Variants in SEMA3A observed in about 807,000 individuals in gnomAD.
SEMA3A encodes semaphorin 3A, also known as semaphorin-3A.
Under a neutral mutation model 97.9 loss-of-function variants are expected in SEMA3A, and 29 were observed. That is an observed-to-expected ratio of 0.30 (90% CI 0.22 to 0.40). The LOEUF is 0.40. Among genes scored for constraint, SEMA3A ranks in the 10% least tolerant of loss-of-function variants. The probability of loss-of-function intolerance (pLI) is 1.00; values close to 1 mark genes in which losing one functional copy is unlikely to be tolerated. For missense variants in SEMA3A, 763 were observed against 951.3 expected (o/e 0.80, Z 2.60); for synonymous variants, 321 against 323.7 (o/e 0.99, Z 0.09).
chr7:84,173,260 T>G (rs777925822), intron 1 of SEMA3A, among the ~76,000 whole-genome samples: 1 of 151,980 alleles, frequency 6.6e-6, no homozygotes, highest in Non-Finnish European at 1.5e-5. Flanking sequence ...CTCTGAATTA[T>G]CTTTAAAAGT....
At chr7:84,374,848 T>C (rs1803059122) in intron 1 of SEMA3A, among the ~76,000 whole-genome samples, 1 of 152,138 alleles carries the variant, frequency 6.6e-6, no homozygotes, top group South Asian at 2.1e-4. Context: ...GAGGCTTAAC[T>C]GTGCTTGTGA....
At chr7:84,120,670 A>G (rs1031109696) in intron 3 of SEMA3A, among the ~76,000 whole-genome samples, 1 of 152,218 alleles carries the variant, frequency 6.6e-6, no homozygotes, top group African/African-American at 2.4e-5. Flanking sequence ...TGAAAATCAT[A>G]TTTAAAATGG....
intron 1 of SEMA3A, among the ~76,000 whole-genome samples, chr7:84,477,682 G>A (rs1806331676): frequency 6.6e-6 from 1 of 152,026 alleles, no homozygotes. Context: ...CTATAGAGGT[G>A]TTGGGGTGTG....
At chr7:84,249,610 C>T (rs932093553) in intron 3 of SEMA3A, among the ~76,000 whole-genome samples, 12 of 151,830 alleles carry the variant, frequency 7.9e-5, no homozygotes, top group Admixed American at 7.2e-4. Flanking sequence ...GGAATGCCAC[C>T]TGTTTTTAAA....
intron 12 of SEMA3A, among the ~76,000 whole-genome samples, chr7:83,988,383 C>G (rs1406847294): frequency 6.6e-6 from 1 of 151,984 alleles, no homozygotes; most frequent in Non-Finnish European, 1.5e-5. Context: ...CCCACCACCA[C>G]GACTGGCTAA....
intron 4 of SEMA3A, among the ~76,000 whole-genome samples, chr7:84,102,431 A>G (rs746922660): frequency 2.6e-5 from 4 of 152,128 alleles, no homozygotes; most frequent in South Asian, 2.1e-4. Context: ...ATGAGACATT[A>G]ATCCAGTAAG....
intron 5 of SEMA3A, among the ~76,000 whole-genome samples, chr7:84,053,078 T>C (rs1012460082): frequency 6.2e-5 from 9 of 145,850 alleles, no homozygotes; most frequent in South Asian, 4.6e-4. Flanking sequence ...GTCTGAGAGA[T>C]AGTTTGTTAT....
Position 84,157,106 on chromosome 7 carries a change from T to C in SEMA3A, c.113-22155A>G, listed in dbSNP as rs567513845. ...TGCAATTTTCACATTATCTGGAATA[T>C]ATGCACGAGTAAAAATGCACTCTTT... On this transcript the variant is annotated intron_variant, in intron 1 of 16. Coordinates refer to ENST00000265362, the MANE Select transcript of SEMA3A (RefSeq NM_006080.3). Among the ~76,000 whole-genome samples, 8 of 152,298 alleles carry C rather than the reference T, an allele frequency of 5.3e-5. No individual in the cohort carries two copies. The South Asian group carries it at 1.7e-3, about 32-fold the overall frequency.
At chr7:84,372,801 G>A (rs2116107730) in intron 1 of SEMA3A, among the ~76,000 whole-genome samples, 1 of 152,138 alleles carries the variant, frequency 6.6e-6, no homozygotes, top group Non-Finnish European at 1.5e-5. Flanking sequence ...AGTTGCTTTG[G>A]TGCTAGCTTG....
intron 2 of SEMA3A, among the ~76,000 whole-genome samples, chr7:84,345,414 T>C (rs1002094749): frequency 2.6e-5 from 4 of 152,160 alleles, no homozygotes; most frequent in East Asian, 1.9e-4. Flanking sequence ...TTTGCCACAC[T>C]GATTGGCTCT....
intron 4 of SEMA3A, among the ~76,000 whole-genome samples, chr7:84,089,484 T>C (rs1466410597): frequency 5.4e-5 from 8 of 149,460 alleles, no homozygotes; most frequent in Admixed American, 4.8e-4. Context: ...AAATTATTGA[T>C]TTTAATGTAA....
intron 1 of SEMA3A, among the ~76,000 whole-genome samples, chr7:84,152,623 C>T (rs995375040): frequency 6.8e-6 from 1 of 147,088 alleles, no homozygotes; most frequent in African/African-American, 2.5e-5. Context: ...AGCACACCAG[C>T]ATGGCACATG....
At position 84,005,563 on chromosome 7, in the gene SEMA3A, TAAGATA is replaced by T. The variant is rs1263268300; in HGVS notation, c.1141-11_1141-6del. 5 of 1,572,174 alleles carry T rather than the reference TAAGATA, an allele frequency of 3.2e-6. No individual in the cohort carries two copies. Among genetic ancestry groups the T allele is most frequent in the African/African-American group, 1.4e-5 (1 of 73,820 alleles). ...ACCAAATGTTTTGCTGGGACACTATTAAGATAAAGAGAAAATTATCTTTTGATTAAA... is the reference window on the plus strand; with the variant it reads ...ACCAAATGTTTTGCTGGGACACTATTAAGAGAAAATTATCTTTTGATTAAA... On this transcript the variant is annotated splice_polypyrimidine_tract_variant and splice_region_variant and intron_variant, in intron 10 of 16. Transcript: ENST00000265362.
intron 3 of SEMA3A, among the ~76,000 whole-genome samples, chr7:84,249,416 T>TATCTATC (rs1169332667): frequency 2.0e-5 from 3 of 150,888 alleles, no homozygotes. Flanking sequence ...TCTATCTATC[T>TATCTATC]ATCATCTACA....
chr7:84,322,713 C>T (rs1801678175), intron 2 of SEMA3A, among the ~76,000 whole-genome samples: 1 of 152,138 alleles, frequency 6.6e-6, no homozygotes, highest in South Asian at 2.1e-4. Flanking sequence ...TCAGGTGTGT[C>T]TTCATTAGCA....
intron 3 of SEMA3A, among the ~76,000 whole-genome samples, chr7:84,116,429 A>G (rs1247427955): frequency 2.1e-4 from 32 of 152,204 alleles, no homozygotes; most frequent in Non-Finnish European, 1.5e-5. Context: ...TACAATATAA[A>G]AAGGTTTGAA....
chr7:84,448,788 G>GA (rs111981216), intron 1 of SEMA3A, among the ~76,000 whole-genome samples: 183 of 139,946 alleles, frequency 1.3e-3, no homozygotes, highest in South Asian at 2.9e-3. Context: ...CATTTCCATA[G>GA]AAAAAAAAAA....
intron 1 of SEMA3A, among the ~76,000 whole-genome samples, chr7:84,168,025 G>A: frequency 6.6e-6 from 1 of 152,032 alleles, no homozygotes; most frequent in East Asian, 1.9e-4. Flanking sequence ...TTTCATTCCT[G>A]TAGATTATAA....
At chr7:83,989,719 G>A (rs1285916424) in intron 12 of SEMA3A, among the ~76,000 whole-genome samples, 1 of 141,182 alleles carries the variant, frequency 7.1e-6, no homozygotes, top group Non-Finnish European at 1.5e-5. Flanking sequence ...GTCTATCATT[G>A]TTGGACATTT....
Sources: allele counts gnomAD v4.1 joint callset (sites outside exome capture counted in the v4.1 genomes callset), GRCh38; gene constraint gnomAD v4.1.1; transcripts MANE v1.5; gene names NCBI Gene and HGNC (gene_info 2026-07-23, HGNC 2026-07-21).